Variants in SRPRB observed in about 807,000 individuals in gnomAD.
SRPRB encodes the protein SRP receptor subunit beta.
SRPRB carries 20 observed loss-of-function variants against 31.9 expected under a neutral mutation model. The ratio of observed to expected loss-of-function variants is 0.63; its 90% CI spans 0.44 to 0.91. SRPRB has a LOEUF of 0.91. Among genes scored for constraint, SRPRB ranks in the 40% least tolerant of loss-of-function variants. SRPRB has a pLI of 0.00. For synonymous variants in SRPRB, 146 were observed against 132.8 expected (o/e 1.10, Z -0.68); for missense variants, 321 against 324.9 (o/e 0.99, Z 0.09).
chr3:133,788,776 T>C (rs952819681), intron 1 of SRPRB: 3 of 152,210 alleles, frequency 2.0e-5, no homozygotes, highest in East Asian at 1.9e-4. Context: ...CTGATTCCTA[T>C]GTGTGGCGCA....
intron 3 of SRPRB, chr3:133,810,403 T>G (rs927399638): frequency 6.6e-6 from 1 of 152,226 alleles, no homozygotes; most frequent in African/African-American, 2.4e-5. Flanking sequence ...CAGCCACGTT[T>G]ACACTGAATA....
At chr3:133,818,778 C>CT (rs1409161396) in intron 6 of SRPRB, among the ~76,000 whole-genome samples, 1 of 134,066 alleles carries the variant, frequency 7.5e-6, no homozygotes, top group Non-Finnish European at 1.6e-5. Context: ...TTTAAAAATA[C>CT]TTTTACAGTG....
downstream of SRPRB, chr3:133,828,243 T>G (rs1359144631): frequency 2.0e-6 from 1 of 507,880 alleles, no homozygotes; most frequent in African/African-American, 1.9e-5. Flanking sequence ...GTTCAACCAA[T>G]GTTTGATTTA....
chr3:133,824,045 T>C (rs1935516305), downstream of SRPRB, among the ~76,000 whole-genome samples: 1 of 152,166 alleles, frequency 6.6e-6, no homozygotes, highest in African/African-American at 2.4e-5. Context: ...GTGTGTCCCA[T>C]CTTTACCCCT....
At chr3:133,828,264 G>C (rs1935603977), downstream of SRPRB, 1 of 471,840 alleles carries the variant, frequency 2.1e-6, no homozygotes, top group Non-Finnish European at 3.8e-6. Context: ...ACTGGAGTAG[G>C]GCCTAGAGAG....
At chr3:133,789,818 G>T (rs1387638078) in intron 1 of SRPRB, 3 of 149,180 alleles carry the variant, frequency 2.0e-5, no homozygotes, top group African/African-American at 7.4e-5. Flanking sequence ...TGAGGTGTTA[G>T]GGTTTGGCAT....
intron 1 of SRPRB, chr3:133,790,520 A>G (rs988433715): frequency 4.6e-5 from 7 of 152,264 alleles, no homozygotes; most frequent in Admixed American, 4.6e-4. Flanking sequence ...AACGATATGG[A>G]AAAAGTTTAG....
chr3:133,791,720 G>C (rs971833546), intron 1 of SRPRB: 1 of 152,178 alleles, frequency 6.6e-6, no homozygotes. Flanking sequence ...GTCTTTGGGA[G>C]CTTGACCTTG....
chr3:133,814,719 G>T (rs1211324746), intron 4 of SRPRB, among the ~76,000 whole-genome samples: 3 of 152,176 alleles, frequency 2.0e-5, no homozygotes, highest in African/African-American at 7.2e-5. Flanking sequence ...GATTACAGGC[G>T]TGAGCCACCG....
chr3:133,824,221 CACAG>C (rs1559895393), downstream of SRPRB: 1 of 152,264 alleles, frequency 6.6e-6, no homozygotes, highest in African/African-American at 2.4e-5. Flanking sequence ...ACCACTTAAA[CACAG>C]ACAAGAAGCT....
intron 1 of SRPRB, chr3:133,790,908 T>C (rs937003165): frequency 6.6e-6 from 1 of 152,178 alleles, no homozygotes; most frequent in African/African-American, 2.4e-5. Flanking sequence ...TGGGGGGCCC[T>C]AGGTAAACAC....
chr3:133,797,623 C>T (rs1050020919), intron 1 of SRPRB, among the ~76,000 whole-genome samples: 2 of 152,112 alleles, frequency 1.3e-5, no homozygotes, highest in Non-Finnish European at 1.5e-5. Flanking sequence ...GCTGACTGTT[C>T]ATCAGGTGTC....
At chr3:133,817,123 ATTTTAAAATTTCAT>A in intron 6 of SRPRB, among the ~76,000 whole-genome samples, 191 bp downstream of exon 6, 1 of 152,246 alleles carries the variant, frequency 6.6e-6, no homozygotes, top group African/African-American at 2.4e-5. Flanking sequence ...GCTTATAGAT[ATTTTAAAATTTCAT>A]GGAAAGAAGA....
At chr3:133,784,282 A>T (rs1355504947) in intron 1 of SRPRB, 1 of 151,822 alleles carries the variant, frequency 6.6e-6, no homozygotes, top group African/African-American at 2.4e-5. Flanking sequence ...AAGGCCCACC[A>T]CCCTTTAGGA....
chr3:133,788,412 A>G (rs1041915403), intron 1 of SRPRB: 1 of 152,246 alleles, frequency 6.6e-6, no homozygotes, highest in African/African-American at 2.4e-5. Context: ...TGAGCCCCTA[A>G]GCACAGGCCT....
At position 133,820,986 on chromosome 3, in the gene SRPRB, G is replaced by T. The variant is rs1297512082; in HGVS notation, c.*1220G>T. On this transcript the variant is annotated 3_prime_UTR_variant, in exon 7 of 7. Transcript: ENST00000678299. ...CCAGTTATGGAACAGTGCATTGAGA[G>T]CCATGGTAGGAGAGGCCCACAGTTC... The T allele has an allele frequency of 6.6e-6, 1 of 152,380 alleles. No homozygotes were observed. The highest frequency in any genetic ancestry group is 1.5e-5 in the Non-Finnish European group (1 of 68,186). 9.4% of individuals were successfully genotyped at this position (152,380 alleles called of 1,614,324 possible).
At chr3:133,797,106 A>G (rs1934988319) in intron 1 of SRPRB, among the ~76,000 whole-genome samples, 1 of 152,238 alleles carries the variant, frequency 6.6e-6, no homozygotes, top group African/African-American at 2.4e-5. Context: ...TACATACTGT[A>G]TGATCCCAAT....
downstream of SRPRB, chr3:133,828,419 A>G (rs937880362): frequency 1.9e-5 from 7 of 366,270 alleles, no homozygotes; most frequent in East Asian, 1.3e-4. Context: ...AAGGTTCTCT[A>G]TAAGTTTACA....
At chr3:133,823,483 C>T (rs1935507998), downstream of SRPRB, among the ~76,000 whole-genome samples, 1 of 152,186 alleles carries the variant, frequency 6.6e-6, no homozygotes. Context: ...AAACTCCTGG[C>T]CTCAATGTCT....
Sources: allele counts gnomAD v4.1 joint callset (sites outside exome capture counted in the v4.1 genomes callset), GRCh38; gene constraint gnomAD v4.1.1; transcripts MANE v1.5; gene names NCBI Gene and HGNC (gene_info 2026-07-23, HGNC 2026-07-21).